The following COLEC10 variants were observed in gnomAD, a reference collection of about 807,000 sequenced individuals.
COLEC10 encodes the protein collectin subfamily member 10.
A neutral mutation model predicts 28.4 loss-of-function variants in COLEC10; 22 were observed. The observed-to-expected ratio is 0.78, with a 90% CI of 0.55 to 1.11. The LOEUF (loss-of-function observed/expected upper bound fraction) is 1.11, where lower values mean the gene tolerates loss of function less well. Ranked by LOEUF, COLEC10 falls within the 50% of genes least tolerant of loss-of-function variation. The pLI is 0.00. For synonymous variants in COLEC10, 125 were observed against 116.1 expected, an observed-to-expected ratio of 1.08 and a Z score of -0.49; for missense variants, 361 against 344.1, an observed-to-expected ratio of 1.05 and a Z score of -0.39.
chr8:119,029,456 G>T (rs907811682), intron 2 of COLEC10, among the ~76,000 whole-genome samples: 2 of 152,068 alleles, frequency 1.3e-5, no homozygotes, highest in Non-Finnish European at 2.9e-5. Context: ...TAGGAGTCAG[G>T]ACCGTAGGTA....
At chr8:118,991,784 G>A (rs1813509894), upstream of COLEC10, among the ~76,000 whole-genome samples, 1 of 152,022 alleles carries the variant, frequency 6.6e-6, no homozygotes, top group South Asian at 2.1e-4. Context: ...AAGCACTTAA[G>A]AAACAACTGT....
At chr8:118,960,797 A>AAAAC in the COLEC10 span, among the ~76,000 whole-genome samples, 10 of 151,308 alleles carry the variant, frequency 6.6e-5, no homozygotes, top group African/African-American at 2.4e-4. Context: ...AAAAAAAAAA[A>AAAAC]AAAAAAAAAA....
the COLEC10 span, among the ~76,000 whole-genome samples, chr8:118,986,248 A>G: frequency 1.5e-4 from 23 of 152,324 alleles, no homozygotes; most frequent in African/African-American, 5.1e-4. Context: ...ATATCTATAG[A>G]AAAGAAACAG....
intron 2 of COLEC10, among the ~76,000 whole-genome samples, chr8:119,054,220 C>T (rs920600239): frequency 6.6e-6 from 1 of 152,042 alleles, no homozygotes; most frequent in East Asian, 1.9e-4. Context: ...ACTCAGATGG[C>T]ACCCAATTTA....
the COLEC10 span, among the ~76,000 whole-genome samples, chr8:118,987,503 G>A: frequency 6.6e-6 from 1 of 152,306 alleles, no homozygotes; most frequent in Admixed American, 6.5e-5. Context: ...GGCTGAGGTT[G>A]CAGTGAGCCG....
rs572400118 is a variant in COLEC10, at chr8:119,105,846, G to A, written c.489G>A (p.Val163=). The change falls in exon 6 of 6, where the codon GTG becomes GTA. Residue 163 remains valine, a synonymous_variant. Coordinates refer to ENST00000332843, the MANE Select transcript of COLEC10 (RefSeq NM_006438.5). The stretch of plus-strand genomic sequence containing the variant: ...CTGAAGAGAAATTCTACTACATCGT[G>A]CAGGAAGAGAAGAACTACAGGGAAT... The part of the protein sequence containing the change: ...RETEEKFYYI[V]QEEKNYRESL... 4.3e-6 allele frequency: 7 copies of A among 1,613,526 alleles called. No individual in the cohort carries two copies. Among genetic ancestry groups the A allele is most frequent in the Non-Finnish European group, 5.9e-6 (7 of 1,179,788 alleles).
At chr8:119,014,006 T>TA (rs1813946136) in intron 2 of COLEC10, among the ~76,000 whole-genome samples, 1 of 150,744 alleles carries the variant, frequency 6.6e-6, no homozygotes, top group South Asian at 2.1e-4. Context: ...TTGCTCTCAT[T>TA]AATATCACTC....
the COLEC10 span, among the ~76,000 whole-genome samples, chr8:118,963,809 T>C: frequency 6.6e-6 from 1 of 152,196 alleles, no homozygotes; most frequent in Non-Finnish European, 1.5e-5. Context: ...TTGTATTCCC[T>C]GTCACTTGGA....
the COLEC10 span, among the ~76,000 whole-genome samples, chr8:118,958,605 C>G: frequency 6.6e-6 from 1 of 152,142 alleles, no homozygotes; most frequent in African/African-American, 2.4e-5. Context: ...AGTGTATCTA[C>G]GTTTACACAA....
intron 1 of COLEC10, among the ~76,000 whole-genome samples, chr8:119,080,580 A>T (rs1815348390): frequency 6.6e-6 from 1 of 152,154 alleles, no homozygotes; most frequent in African/African-American, 2.4e-5. Flanking sequence ...TGTGGGTAGG[A>T]TTTATAAAGA....
the COLEC10 span, among the ~76,000 whole-genome samples, chr8:118,973,320 C>A: frequency 6.6e-6 from 1 of 151,990 alleles, no homozygotes; most frequent in African/African-American, 2.4e-5. Context: ...CAGCTTCTCT[C>A]AGGGTCTTCT....
intron 1 of COLEC10, among the ~76,000 whole-genome samples, chr8:118,998,772 G>A (rs1255966856): frequency 1.1e-4 from 16 of 149,398 alleles, no homozygotes; most frequent in African/African-American, 3.5e-4. Flanking sequence ...GCGTGAACCC[G>A]GGAGGCAGAG....
Position 119,089,720 on chromosome 8 carries a change from G to A in COLEC10, c.189G>A (p.Lys63=). Residue 63 remains lysine (K), a synonymous_variant, in exon 2 of 6, where the codon AAG becomes AAA. Transcript: ENST00000332843. ...AAGGAGATCCAGGAGAAGAGGGAAA[G>A]CATGGCAAAGTGGGACGCATGGGGC... ...GEKGDPGEEG[K]HGKVGRMGPK... The A allele has an allele frequency of 1.9e-6, 3 of 1,613,636 alleles. No individual in the cohort carries two copies. The highest frequency in any genetic ancestry group is 2.5e-6 in the Non-Finnish European group (3 of 1,179,632).
chr8:119,020,054 G>A (rs189625994), intron 2 of COLEC10, among the ~76,000 whole-genome samples: 64 of 152,248 alleles, frequency 4.2e-4, no homozygotes, highest in Admixed American at 4.2e-3. Flanking sequence ...ATTTCCCTGA[G>A]CAGGCAGTAG....
intron 2 of COLEC10, among the ~76,000 whole-genome samples, chr8:119,028,260 C>T (rs7004539): frequency 0.64 from 98,019 of 152,066 alleles, 32,617 homozygotes; most frequent in African/African-American, 0.81. Context: ...TCATATATTA[C>T]ATTGAAATTG....
intron 1 of COLEC10, among the ~76,000 whole-genome samples, chr8:119,077,243 A>ATTTTT (rs762180766): frequency 0.053 from 4,738 of 89,886 alleles, 700 homozygotes; most frequent in Non-Finnish European, 0.075. Flanking sequence ...GTAGAGAATG[A>ATTTTT]TTTTTTTTTT....
chr8:118,990,521 C>T (rs555701031), upstream of COLEC10, among the ~76,000 whole-genome samples: 10 of 152,104 alleles, frequency 6.6e-5, no homozygotes, highest in Non-Finnish European at 8.8e-5. Context: ...AGTTAACACA[C>T]AGTAATACGT....
intron 2 of COLEC10, among the ~76,000 whole-genome samples, chr8:119,046,807 A>C (rs1402731464): frequency 6.6e-6 from 1 of 152,214 alleles, no homozygotes; most frequent in African/African-American, 2.4e-5. Context: ...CAAACAAAAA[A>C]TGGATTCCAG....
intron 2 of COLEC10, among the ~76,000 whole-genome samples, chr8:119,028,739 C>T (rs1042161333): frequency 6.6e-6 from 1 of 152,168 alleles, no homozygotes; most frequent in African/African-American, 2.4e-5. Context: ...GCTCCATAAT[C>T]TATGTGAAGG....
Sources: allele counts gnomAD v4.1 joint callset (sites outside exome capture counted in the v4.1 genomes callset), GRCh38; gene constraint gnomAD v4.1.1; transcripts MANE v1.5; gene names NCBI Gene and HGNC (gene_info 2026-07-23, HGNC 2026-07-21).